Variants in ST8SIA2 observed in about 807,000 individuals in gnomAD.
ST8SIA2 encodes the protein alpha-2,8-sialyltransferase 8B.
In ST8SIA2, 22 loss-of-function variants were observed where a neutral mutation model predicts 37.6. That is an observed-to-expected ratio of 0.58 (90% CI 0.42 to 0.83). The LOEUF (loss-of-function observed/expected upper bound fraction) is 0.83, where lower values mean the gene tolerates loss of function less well. Ranked by LOEUF, ST8SIA2 falls within the 40% of genes least tolerant of loss-of-function variation. ST8SIA2 has a pLI of 0.00. For missense variants in ST8SIA2, 382 were observed against 484.7 expected, an observed-to-expected ratio of 0.79 and a Z score of 1.99; for synonymous variants, 205 against 201.2, an observed-to-expected ratio of 1.02 and a Z score of -0.16.
chr15:92,429,241 T>A (rs185167086), intron 1 of ST8SIA2, among the ~76,000 whole-genome samples: 1 of 152,290 alleles, frequency 6.6e-6, no homozygotes, highest in East Asian at 1.9e-4. Flanking sequence ...GAATCTCACA[T>A]ACAACTTTTC....
chr15:92,453,146 A>T (rs1369122954), intron 5 of ST8SIA2, among the ~76,000 whole-genome samples: 1 of 152,128 alleles, frequency 6.6e-6, no homozygotes, highest in Non-Finnish European at 1.5e-5. Flanking sequence ...CCACGTATAT[A>T]GGCATCAGTG....
intron 2 of ST8SIA2, among the ~76,000 whole-genome samples, chr15:92,432,841 T>G (rs2049726375): frequency 6.6e-6 from 1 of 151,978 alleles, no homozygotes; most frequent in Admixed American, 6.6e-5. Context: ...CCTGCAAAAG[T>G]CAAACTAGGG....
chr15:92,434,505 A>C, intron 3 of ST8SIA2, 130 bp downstream of exon 3: 1 of 1,365,070 alleles, frequency 7.3e-7, no homozygotes, highest in Non-Finnish European at 1.0e-6. Flanking sequence ...GGCAGGTTTC[A>C]TCTGTAAGTG....
chr15:92,434,451 T>C, intron 3 of ST8SIA2, 76 bp downstream of exon 3: 1 of 1,597,092 alleles, frequency 6.3e-7, no homozygotes, highest in Non-Finnish European at 8.6e-7. Flanking sequence ...CTCTTCGTCA[T>C]CTAAAGAAGT....
At position 92,442,933 on chromosome 15, in the gene ST8SIA2, C is replaced by G. The variant is rs115085167; in HGVS notation, c.549-1703C>G. ...GCCTTTGAGCAAGTTGATTCTCACA[C>G]ACTGGGCCTCCATTTCCTCCTGTGT... On this transcript the variant is annotated intron_variant, in intron 4 of 5. Transcript: ENST00000268164. Among the ~76,000 whole-genome samples the G allele has an allele frequency of 8.2e-3, 1,249 of 152,210 alleles. 17 individuals are homozygous for G. Among genetic ancestry groups the G allele is most frequent in the African/African-American group, 0.029 (1,204 of 41,506 alleles).
intron 1 of ST8SIA2, among the ~76,000 whole-genome samples, chr15:92,402,257 G>A (rs1470910158): frequency 1.3e-5 from 2 of 152,198 alleles, no homozygotes; most frequent in Non-Finnish European, 2.9e-5. Context: ...GCTGATGCCA[G>A]CAGAGAATAA....
At chr15:92,409,519 G>T (rs1430019139) in intron 1 of ST8SIA2, among the ~76,000 whole-genome samples, 1 of 79,586 alleles carries the variant, frequency 1.3e-5, no homozygotes, top group Admixed American at 1.4e-4. Flanking sequence ...ATTTACTTTT[G>T]TTCTGCTTTT....
chr15:92,443,196 G>A (rs1240229372), intron 4 of ST8SIA2, among the ~76,000 whole-genome samples: 1 of 152,160 alleles, frequency 6.6e-6, no homozygotes, highest in African/African-American at 2.4e-5. Flanking sequence ...CATGTCTCCA[G>A]CCTCTATTTT....
Position 92,424,219 on chromosome 15 carries a change from C to G in ST8SIA2, c.99-5830C>G, listed in dbSNP as rs78612467. On this transcript the variant is annotated intron_variant, in intron 1 of 5. Transcript: ENST00000268164. ...TCAGCTCCTGAAAGTTCATTCTGAG[C>G]CTGACTCTCCCATGAGAAACTGTAA... Among the ~76,000 whole-genome samples the G allele has an allele frequency of 2.4e-3, 360 of 152,314 alleles. 3 individuals carry two copies. The highest frequency in any genetic ancestry group is 8.2e-3 in the African/African-American group (340 of 41,562).
intron 2 of ST8SIA2, among the ~76,000 whole-genome samples, chr15:92,433,386 C>T (rs1039926798): frequency 4.6e-5 from 7 of 152,216 alleles, no homozygotes; most frequent in African/African-American, 1.7e-4. Flanking sequence ...AGGCGGCTAA[C>T]TCTTACACTG....
At chr15:92,398,309 C>T (rs1439143000) in intron 1 of ST8SIA2, among the ~76,000 whole-genome samples, 1 of 152,192 alleles carries the variant, frequency 6.6e-6, no homozygotes, top group Non-Finnish European at 1.5e-5. Context: ...AAGGGCAGAG[C>T]AGGCTTGCAC....
At chr15:92,440,676 A>G (rs1435982085) in intron 4 of ST8SIA2, among the ~76,000 whole-genome samples, 1 of 152,130 alleles carries the variant, frequency 6.6e-6, no homozygotes, top group African/African-American at 2.4e-5. Context: ...TACGTTTGAC[A>G]TCAGGGATAC....
intron 5 of ST8SIA2, among the ~76,000 whole-genome samples, chr15:92,456,460 G>C (rs753531626): frequency 1.3e-5 from 2 of 152,166 alleles, no homozygotes; most frequent in East Asian, 3.9e-4. Context: ...CAGGAAGTCA[G>C]TACATTTGCT....
intron 4 of ST8SIA2, among the ~76,000 whole-genome samples, chr15:92,439,285 CG>C (rs72655699): frequency 0.32 from 48,572 of 151,936 alleles, 9,179 homozygotes; most frequent in East Asian, 0.65. Context: ...CTGGGAAGTG[CG>C]GGAGTAACAG....
intron 5 of ST8SIA2, among the ~76,000 whole-genome samples, chr15:92,462,494 C>A (rs1168973370): frequency 6.6e-6 from 1 of 152,148 alleles, no homozygotes; most frequent in Non-Finnish European, 1.5e-5. Flanking sequence ...CCTGTCCCTC[C>A]CACCCCAACC....
chr15:92,449,169 T>G (rs942929390), intron 5 of ST8SIA2, among the ~76,000 whole-genome samples: 2 of 152,168 alleles, frequency 1.3e-5, no homozygotes, highest in Non-Finnish European at 2.9e-5. Flanking sequence ...CATTCCCTTC[T>G]TCTCCAGTGT....
At chr15:92,427,360 G>A (rs778633736) in intron 1 of ST8SIA2, among the ~76,000 whole-genome samples, 3 of 150,482 alleles carry the variant, frequency 2.0e-5, no homozygotes, top group African/African-American at 7.4e-5. Context: ...CTTGGCCAAA[G>A]CCTGAAATAT....
chr15:92,407,009 G>GAA (rs1396143223), intron 1 of ST8SIA2, among the ~76,000 whole-genome samples: 37 of 105,472 alleles, frequency 3.5e-4, no homozygotes, highest in African/African-American at 1.0e-3. Flanking sequence ...AAAAAAAAAA[G>GAA]AAAAGAAAAA....
In ST8SIA2 at chr15:92,452,691, A is replaced by G. The variant is rs141188823; in HGVS notation, c.842+7762A>G. 2.6e-3 allele frequency among the ~76,000 whole-genome samples: 403 copies of G among 152,328 alleles called. 1 individual carries two copies. Among genetic ancestry groups the G allele is most frequent in the African/African-American group, 9.3e-3 (386 of 41,574 alleles). Reference sequence around the variant, plus strand: ...GCAGACAGGTAGACCAGGGATTAGTATAGTCATTTCACATCTGGACGTAAG... The same window carrying G: ...GCAGACAGGTAGACCAGGGATTAGTGTAGTCATTTCACATCTGGACGTAAG... On this transcript the variant is annotated intron_variant, in intron 5 of 5. Transcript: ENST00000268164.
Sources: allele counts gnomAD v4.1 joint callset (sites outside exome capture counted in the v4.1 genomes callset), GRCh38; gene constraint gnomAD v4.1.1; transcripts MANE v1.5; gene names NCBI Gene and HGNC (gene_info 2026-07-23, HGNC 2026-07-21).